Variants in ARK2C observed in about 807,000 individuals in gnomAD.
ARK2C encodes the protein arkadia (RNF111) C-terminal like ring finger ubiquitin ligase 2C.
At chr18:46,441,436 G>C in the ARK2C span, among the ~76,000 whole-genome samples, 2 of 152,202 alleles carry the variant, frequency 1.3e-5, no homozygotes, top group Non-Finnish European at 2.9e-5. Context: ...GGATGTACTG[G>C]CATAAGGCTA....
the ARK2C span, chr18:46,337,125 A>G: frequency 1.0e-6 from 1 of 985,284 alleles, no homozygotes; most frequent in African/African-American, 1.7e-5. Context: ...CAGCAGCAAT[A>G]ATAAAAGAAT....
chr18:46,361,746 G>A, the ARK2C span, among the ~76,000 whole-genome samples: 6 of 152,280 alleles, frequency 3.9e-5, no homozygotes, highest in Middle Eastern at 3.4e-3. Flanking sequence ...CTCCCCAGGC[G>A]GGAGCCAGGA....
the ARK2C span, chr18:46,337,576 G>A: frequency 6.1e-6 from 6 of 984,998 alleles, no homozygotes; most frequent in Non-Finnish European, 7.2e-6. Context: ...TCGTGTGCAT[G>A]ACGACATTGT....
At chr18:46,344,098 T>C in the ARK2C span, among the ~76,000 whole-genome samples, 1 of 152,170 alleles carries the variant, frequency 6.6e-6, no homozygotes, top group Non-Finnish European at 1.5e-5. Context: ...GTCACCCACG[T>C]TGGCCTCCCC....
chr18:46,445,520 C>T, the ARK2C span, among the ~76,000 whole-genome samples: 5 of 152,162 alleles, frequency 3.3e-5, no homozygotes, highest in East Asian at 3.9e-4. Flanking sequence ...AGGGAATCTC[C>T]GTGCAGATTT....
chr18:46,334,382 C>G, the ARK2C span: 6 of 1,546,950 alleles, frequency 3.9e-6, no homozygotes, highest in Non-Finnish European at 5.2e-6. This position sits in a 1 kb window ranked among gnomAD's most constrained non-coding sequence, Gnocchi z 4.4. Flanking sequence ...TGGATCGCCG[C>G]AGGCACCGGG....
chr18:46,390,603 T>C, the ARK2C span, among the ~76,000 whole-genome samples: 10 of 152,218 alleles, frequency 6.6e-5, no homozygotes, highest in African/African-American at 2.4e-4. Flanking sequence ...CTCAAAGTGA[T>C]AGAAATAAGC....
At chr18:46,380,739 T>C in the ARK2C span, among the ~76,000 whole-genome samples, 1 of 152,136 alleles carries the variant, frequency 6.6e-6, no homozygotes, top group South Asian at 2.1e-4. Flanking sequence ...ATCTGGGCTG[T>C]CTGCTTGTGA....
the ARK2C span, among the ~76,000 whole-genome samples, chr18:46,338,137 C>T: frequency 1.3e-5 from 2 of 152,180 alleles, no homozygotes; most frequent in Non-Finnish European, 2.9e-5. Flanking sequence ...TGTGTTTTAA[C>T]TTTTCTGTTT....
chr18:46,383,186 G>A, the ARK2C span, among the ~76,000 whole-genome samples: 14 of 152,254 alleles, frequency 9.2e-5, no homozygotes, highest in Non-Finnish European at 1.5e-4. Context: ...GGGAGATGCC[G>A]TCAGGCCCCT....
the ARK2C span, among the ~76,000 whole-genome samples, chr18:46,364,526 A>G: frequency 2.0e-5 from 3 of 152,110 alleles, no homozygotes; most frequent in East Asian, 1.9e-4. Flanking sequence ...ACTACCAGAC[A>G]TATCATTTCA....
chr18:46,364,324 C>T, the ARK2C span, among the ~76,000 whole-genome samples: 1 of 151,782 alleles, frequency 6.6e-6, no homozygotes, highest in African/African-American at 2.4e-5. Context: ...CACTTTTTAC[C>T]AACCAAAGTT....
At chr18:46,374,715 A>G in the ARK2C span, among the ~76,000 whole-genome samples, 63 of 152,282 alleles carry the variant, frequency 4.1e-4, no homozygotes, top group African/African-American at 1.5e-3. Context: ...ACAGAGTCTC[A>G]TACGGAGGTC....
chr18:46,401,328 C>A, the ARK2C span, among the ~76,000 whole-genome samples: 1 of 152,176 alleles, frequency 6.6e-6, no homozygotes, highest in African/African-American at 2.4e-5. Flanking sequence ...CTTCACCCCA[C>A]CCCCTATTTC....
At chr18:46,432,213 G>T in the ARK2C span, among the ~76,000 whole-genome samples, 1 of 152,208 alleles carries the variant, frequency 6.6e-6, no homozygotes. Context: ...GAGAGAATTT[G>T]TAAGGTTTTC....
chr18:46,405,920 G>A, the ARK2C span, among the ~76,000 whole-genome samples: 1 of 151,970 alleles, frequency 6.6e-6, no homozygotes, highest in South Asian at 2.1e-4. Context: ...TCCTCCTCCC[G>A]GAGTGGGATT....
At chr18:46,358,464 A>C in the ARK2C span, among the ~76,000 whole-genome samples, 1 of 152,184 alleles carries the variant, frequency 6.6e-6, no homozygotes, top group East Asian at 1.9e-4. Context: ...GGCCACGGCA[A>C]TTTTGAAGCC....
the ARK2C span, among the ~76,000 whole-genome samples, chr18:46,411,731 G>A: frequency 6.6e-6 from 1 of 152,218 alleles, no homozygotes; most frequent in African/African-American, 2.4e-5. Context: ...TCAGATATGG[G>A]TCAGATACTT....
At chr18:46,433,116 G>C in the ARK2C span, 2 of 1,186,900 alleles carry the variant, frequency 1.7e-6, no homozygotes, top group East Asian at 2.6e-5. Context: ...AGGCTGCCCC[G>C]GGTGGGCACA....
Sources: allele counts gnomAD v4.1 joint callset (sites outside exome capture counted in the v4.1 genomes callset), GRCh38; gene constraint gnomAD v4.1.1; non-coding constraint Gnocchi (gnomAD v3.1); transcripts MANE v1.5; gene names NCBI Gene and HGNC (gene_info 2026-07-23, HGNC 2026-07-21).